Variants in ETFA observed in about 807,000 individuals in gnomAD.
The protein encoded by ETFA is electron transfer flavoprotein subunit alpha, mitochondrial.
Under a neutral mutation model 46.2 loss-of-function variants are expected in ETFA, and 22 were observed. The observed-to-expected ratio is 0.48, with a 90% confidence interval of 0.34 to 0.68. ETFA has a LOEUF of 0.68. ETFA is among the 30% of genes least tolerant of loss of function. ETFA has a pLI of 0.01. For missense variants in ETFA, 345 were observed against 401.1 expected, an observed-to-expected ratio of 0.86 and a Z score of 1.19; for synonymous variants, 131 against 139.9, an observed-to-expected ratio of 0.94 and a Z score of 0.45.
chr15:76,286,531 C>G (rs1453952332), intron 5 of ETFA, 50 bp from the exon 6 acceptor site: 7 of 1,120,080 alleles, frequency 6.2e-6, no homozygotes, highest in Non-Finnish European at 9.5e-6. Context: ...GGCAACAAAA[C>G]TAGCACTCCT....
chr15:76,228,564 A>C (rs2039029228), intron 10 of ETFA, among the ~76,000 whole-genome samples: 1 of 152,164 alleles, frequency 6.6e-6, no homozygotes, highest in South Asian at 2.1e-4. Flanking sequence ...TTAACAAAAA[A>C]GATGTGGGGC....
At chr15:76,284,224 C>A in intron 7 of ETFA, 1 of 176,176 alleles carries the variant, frequency 5.7e-6, no homozygotes, top group Admixed American at 5.8e-5. Flanking sequence ...ACTTTAAACT[C>A]CTCGAGAGGA....
intron 7 of ETFA, among the ~76,000 whole-genome samples, chr15:76,284,159 A>T (rs1352316591): frequency 1.3e-5 from 2 of 152,236 alleles, no homozygotes; most frequent in African/African-American, 4.8e-5. Flanking sequence ...GATGCTCAAT[A>T]AATTTCTCTG....
chr15:76,292,700 C>T lies in ETFA; in HGVS notation c.187G>A (p.Val63Met). 1 of 1,605,026 alleles carries T rather than the reference C, an allele frequency of 6.2e-7. No homozygotes were observed. The highest frequency in any genetic ancestry group is 8.5e-7 in the Non-Finnish European group (1 of 1,171,774). ...GCTACTTTACAGAGATCTTGTGCCA[C>T]CTATGATTAAAAGATAAGTTCCTAA... ...CLVAGTKCDKVAQDLCKVAGI... is the reference protein window; with the variant it reads ...CLVAGTKCDKMAQDLCKVAGI... The change falls in exon 3 of 12, where the codon GTG (valine) becomes ATG (methionine). Residue 63 changes from valine to methionine, a missense_variant and splice_region_variant. Physicochemically the swap from Val to Met is conservative, Grantham distance 21 (BLOSUM62 1). Transcript: ENST00000557943.
At chr15:76,292,286 G>C (rs1276513224) in intron 4 of ETFA, 145 bp downstream of exon 4, 1 of 697,442 alleles carries the variant, frequency 1.4e-6, no homozygotes, top group Non-Finnish European at 2.6e-6. Flanking sequence ...ACAAAATCTT[G>C]AAAGAATAAA....
intron 10 of ETFA, among the ~76,000 whole-genome samples, chr15:76,226,880 A>AAAATAAAT (rs755675721): frequency 6.6e-6 from 1 of 152,136 alleles, no homozygotes; most frequent in African/African-American, 2.4e-5. Context: ...CTCCGTCTCA[A>AAAATAAAT]AAATAAATAA....
chr15:76,266,405 G>A (rs2039471076), intron 9 of ETFA, among the ~76,000 whole-genome samples: 1 of 152,106 alleles, frequency 6.6e-6, no homozygotes, highest in Non-Finnish European at 1.5e-5. Context: ...TAAGCCAGTT[G>A]GAGAACAGTT....
chr15:76,240,404 C>T (rs2039173422), intron 9 of ETFA, among the ~76,000 whole-genome samples: 1 of 152,154 alleles, frequency 6.6e-6, no homozygotes, highest in South Asian at 2.1e-4. Context: ...CCTTTTCTCC[C>T]AGGACATATA....
intron 10 of ETFA, chr15:76,228,748 T>C (rs759550094): frequency 6.1e-4 from 100 of 163,026 alleles, no homozygotes; most frequent in Non-Finnish European, 1.1e-3. Flanking sequence ...ATTATTATTA[T>C]TACTTTTTTT....
chr15:76,226,380 T>C (rs2039004895), intron 10 of ETFA: 1 of 171,956 alleles, frequency 5.8e-6, no homozygotes, highest in African/African-American at 2.5e-5. Flanking sequence ...AGGTCAGGAG[T>C]TCGAGACTAG....
rs1021976728 is a variant in ETFA, at chr15:76,215,832, T to C, written c.*727A>G. On this transcript the variant is annotated 3_prime_UTR_variant, in exon 12 of 12. Transcript: ENST00000557943. ...GAATGTTTATAATAACATCAAACTA[T>C]CTGCTTGCATCAGAGGCCATGCTGT... The C allele has an allele frequency of 1.3e-5, 2 of 152,232 alleles. No individual in the cohort carries two copies. Among genetic ancestry groups the C allele is most frequent in the Admixed American group, 6.5e-5 (1 of 15,286 alleles). The allele number at this position is 152,232 out of a possible 1,614,324, so 9.4% of individuals were successfully genotyped here.
At chr15:76,254,348 G>A (rs1365243601) in intron 9 of ETFA, among the ~76,000 whole-genome samples, 1 of 152,168 alleles carries the variant, frequency 6.6e-6, no homozygotes, top group Non-Finnish European at 1.5e-5. Flanking sequence ...GCTCTAGGCT[G>A]CCAGGCTAAG....
At chr15:76,227,896 A>T (rs1421703625) in intron 10 of ETFA, 1 of 456,008 alleles carries the variant, frequency 2.2e-6, no homozygotes, top group Non-Finnish European at 4.4e-6. Flanking sequence ...TAGTCCAGGT[A>T]ACTGCTAATC....
intron 10 of ETFA, chr15:76,229,917 G>A (rs531352329): frequency 5.3e-5 from 8 of 152,172 alleles, no homozygotes; most frequent in African/African-American, 1.9e-4. Flanking sequence ...GAATTAATGT[G>A]TCATATTCTG....
chr15:76,266,379 A>G (rs1441961697), intron 9 of ETFA, among the ~76,000 whole-genome samples: 2 of 152,208 alleles, frequency 1.3e-5, no homozygotes, highest in Admixed American at 1.3e-4. Flanking sequence ...TGTCAAACTT[A>G]TGTCGGGAAA....
At chr15:76,217,352 G>A (rs932428845) in intron 11 of ETFA, among the ~76,000 whole-genome samples, 3 of 152,016 alleles carry the variant, frequency 2.0e-5, no homozygotes, top group Admixed American at 6.6e-5. Flanking sequence ...CTCACTGTTC[G>A]TTCATTCATT....
intron 9 of ETFA, among the ~76,000 whole-genome samples, chr15:76,266,489 C>T (rs756287094): frequency 8.5e-5 from 13 of 152,162 alleles, no homozygotes; most frequent in Non-Finnish European, 1.6e-4. Context: ...AATTGATGTG[C>T]TACAAACAGA....
intron 1 of ETFA, among the ~76,000 whole-genome samples, chr15:76,304,840 C>T (rs991132280): frequency 1.3e-5 from 2 of 151,924 alleles, no homozygotes; most frequent in African/African-American, 2.4e-5. Context: ...GTCAGGAGAG[C>T]GAGACCATCC....
At chr15:76,267,955 C>T (rs184979217) in intron 9 of ETFA, among the ~76,000 whole-genome samples, 209 of 152,036 alleles carry the variant, frequency 1.4e-3, no homozygotes, top group African/African-American at 4.4e-3. Context: ...CTATCATGAG[C>T]CACAGCATCT....
Sources: gnomAD v4.1 joint callset for allele counts (sites outside exome capture counted in the v4.1 genomes callset) on GRCh38, gnomAD v4.1.1 for gene constraint, MANE v1.5 for transcripts, NCBI Gene and HGNC (gene_info 2026-07-23, HGNC 2026-07-21) for gene names.